Variants in ABLIM1 observed in about 807,000 individuals in gnomAD.
ABLIM1 encodes actin-binding LIM protein 1.
ABLIM1 carries 40 observed loss-of-function variants against 107.0 expected under a neutral mutation model. The ratio of observed to expected loss-of-function variants is 0.37; its 90% CI spans 0.29 to 0.49. ABLIM1 has a LOEUF of 0.49. Ranked by LOEUF, ABLIM1 falls within the 20% of genes least tolerant of loss-of-function variation. The probability of loss-of-function intolerance (pLI) is 0.97; values close to 1 mark genes in which losing one functional copy is unlikely to be tolerated. For synonymous variants in ABLIM1, 357 were observed against 357.3 expected (o/e 1.00, Z 0.01); for missense variants, 857 against 1,008.5 (o/e 0.85, Z 2.04).
chr10:114,634,518 C>G (rs577203522), intron 1 of ABLIM1, among the ~76,000 whole-genome samples: 1 of 152,140 alleles, frequency 6.6e-6, no homozygotes, highest in South Asian at 2.1e-4. Flanking sequence ...CAGTTCTGAA[C>G]CTACCTGTAT....
intron 16 of ABLIM1, 108 bp from the exon 17 acceptor site, chr10:114,444,242 C>T: frequency 1.0e-6 from 1 of 956,276 alleles, no homozygotes; most frequent in South Asian, 1.7e-5. Context: ...GTTTCTCTTG[C>T]TGGAGGGCCT....
At chr10:114,441,808 A>C (rs774295614) in intron 17 of ABLIM1, 22 bp from the exon 18 acceptor site, 1 of 1,602,744 alleles carries the variant, frequency 6.2e-7, no homozygotes, top group South Asian at 1.1e-5. Context: ...AAAAGTAAAA[A>C]ACCAATTGTT....
At position 114,465,823 on chromosome 10, in the gene ABLIM1, T is replaced by C. The variant is rs771771385; in HGVS notation, c.1316A>G (p.Tyr439Cys). 1.9e-6 allele frequency: 3 copies of C among 1,613,972 alleles called. No homozygotes were observed. The Admixed American group carries it at 5.0e-5, about 27-fold the overall frequency. Residue 439 changes from tyrosine to cysteine, a missense_variant, in exon 12 of 23, where the codon TAC (tyrosine) becomes TGC (cysteine). Around this residue, in one of 5 missense-constraint regions of ABLIM1, gnomAD observed 381 missense variants for 506.9 expected, o/e 0.75. Coordinates refer to ENST00000533213, the MANE Select transcript of ABLIM1 (RefSeq NM_002313.7). ...GATCATCCGATCCCGAACATCCTGG[T>C]ACCCCTGGAAACAAAGTTCAACACA... The part of the protein sequence containing the change: ...TLSPTPSAEG[Y>C]QDVRDRMIHR...
At chr10:114,618,610 G>A (rs1315529427) in intron 1 of ABLIM1, among the ~76,000 whole-genome samples, 2 of 152,186 alleles carry the variant, frequency 1.3e-5, no homozygotes, top group Non-Finnish European at 2.9e-5. Context: ...GGCTGTGGCT[G>A]CACAACTCCA....
chr10:114,777,599 T>C, the ABLIM1 span, among the ~76,000 whole-genome samples: 1 of 152,206 alleles, frequency 6.6e-6, no homozygotes, highest in Non-Finnish European at 1.5e-5. Flanking sequence ...ACCATGAAAT[T>C]GGGATATTTC....
intron 11 of ABLIM1, among the ~76,000 whole-genome samples, chr10:114,466,950 G>A (rs184493290): frequency 1.2e-3 from 189 of 152,274 alleles, no homozygotes; most frequent in African/African-American, 4.1e-3. Context: ...CCTGAGGTCA[G>A]GAGTTTGCGA....
intron 1 of ABLIM1, among the ~76,000 whole-genome samples, chr10:114,609,866 G>A (rs574474510): frequency 3.9e-5 from 6 of 152,172 alleles, no homozygotes; most frequent in Admixed American, 2.0e-4. Context: ...CACAATTGCC[G>A]TAGGAGGGAC....
chr10:114,675,965 C>T (rs114336583), intron 1 of ABLIM1, among the ~76,000 whole-genome samples: 1 of 152,278 alleles, frequency 6.6e-6, no homozygotes, highest in African/African-American at 2.4e-5. Flanking sequence ...AACGACATCT[C>T]ATGTTAGGTT....
the ABLIM1 span, among the ~76,000 whole-genome samples, chr10:114,777,488 T>G: frequency 6.6e-6 from 1 of 152,234 alleles, no homozygotes; most frequent in Non-Finnish European, 1.5e-5. Context: ...AATTTTGTAA[T>G]TTTAATTGCA....
chr10:114,508,480 C>CT (rs2061440441), intron 6 of ABLIM1, among the ~76,000 whole-genome samples: 1 of 152,218 alleles, frequency 6.6e-6, no homozygotes, highest in East Asian at 1.9e-4. Flanking sequence ...AGGATGATTG[C>CT]TTGAGGCCAG....
intron 6 of ABLIM1, among the ~76,000 whole-genome samples, chr10:114,532,744 G>A (rs983749425): frequency 2.0e-5 from 3 of 152,188 alleles, no homozygotes; most frequent in African/African-American, 7.2e-5. Context: ...GGACAAAATC[G>A]AGCCAAGGTA....
intron 1 of ABLIM1, among the ~76,000 whole-genome samples, chr10:114,754,245 T>A (rs1055328092): frequency 1.3e-5 from 2 of 152,222 alleles, no homozygotes; most frequent in Non-Finnish European, 2.9e-5. Context: ...CAGAGAAATT[T>A]GTAGACTGTA....
intron 1 of ABLIM1, among the ~76,000 whole-genome samples, chr10:114,759,780 T>C (rs2082705374): frequency 6.6e-6 from 1 of 152,200 alleles, no homozygotes; most frequent in Non-Finnish European, 1.5e-5. Flanking sequence ...TAAGGCATGC[T>C]GGCTAGAAAC....
At chr10:114,758,873 T>G (rs1287863667) in intron 1 of ABLIM1, among the ~76,000 whole-genome samples, 1 of 152,206 alleles carries the variant, frequency 6.6e-6, no homozygotes, top group Non-Finnish European at 1.5e-5. Flanking sequence ...ATATATCATC[T>G]AATATTATTC....
At chr10:114,502,653 T>C (rs1206925986) in intron 6 of ABLIM1, among the ~76,000 whole-genome samples, 3 of 152,122 alleles carry the variant, frequency 2.0e-5, no homozygotes, top group Non-Finnish European at 4.4e-5. Context: ...TGCGCCACCA[T>C]GCCTGTCTAA....
At chr10:114,718,620 G>A (rs1384894975) in intron 1 of ABLIM1, among the ~76,000 whole-genome samples, 2 of 152,168 alleles carry the variant, frequency 1.3e-5, no homozygotes, top group African/African-American at 2.4e-5. Context: ...CTTCCGGGGG[G>A]AATCAGACTA....
intron 6 of ABLIM1, among the ~76,000 whole-genome samples, chr10:114,540,240 A>T (rs1424941046): frequency 6.6e-6 from 1 of 152,178 alleles, no homozygotes; most frequent in Non-Finnish European, 1.5e-5. Context: ...AGACATGAGA[A>T]TTCTAGAACT....
chr10:114,683,198 G>T (rs1004690196), intron 1 of ABLIM1, among the ~76,000 whole-genome samples: 16 of 152,220 alleles, frequency 1.1e-4, no homozygotes, highest in African/African-American at 3.6e-4. Context: ...AAGAACAGGG[G>T]AGGGCTGTTC....
chr10:114,431,999 A>T lies in ABLIM1; in HGVS notation c.*4261T>A, dbSNP rs1207878063. On this transcript the variant is annotated 3_prime_UTR_variant, in exon 23 of 23. Coordinates refer to ENST00000533213, the MANE Select transcript of ABLIM1 (RefSeq NM_002313.7). ...AAACAGTGATTAAAAAAAAATGCCA[A>T]AGTGAAGGTTTCTCTTTCTTCTATC... 1.3e-5 allele frequency: 2 copies of T among 152,192 alleles called. No individual in the cohort carries two copies. The highest frequency in any genetic ancestry group is 4.8e-5 in the African/African-American group (2 of 41,458). The allele number at this position is 152,192 out of a possible 1,614,324, so 9.4% of individuals were successfully genotyped here. A position where few individuals can be genotyped will look rare whatever the true frequency, so the allele number is the denominator to read the frequency against.
Sources: gnomAD v4.1 joint callset for allele counts (sites outside exome capture counted in the v4.1 genomes callset) on GRCh38, gnomAD v4.1.1 for gene constraint, gnomAD v4.1.1 regional missense constraint, MANE v1.5 for transcripts, NCBI Gene and HGNC (gene_info 2026-07-23, HGNC 2026-07-21) for gene names.